The following ELMO1 variants were observed in gnomAD, a reference collection of about 807,000 sequenced individuals.
ELMO1 encodes engulfment and cell motility protein 1.
In ELMO1, 26 loss-of-function variants were observed where a neutral mutation model predicts 98.9. That is an observed-to-expected ratio of 0.26 (90% CI 0.19 to 0.36). The LOEUF (loss-of-function observed/expected upper bound fraction) is 0.36, where lower values mean the gene tolerates loss of function less well. Among genes scored for constraint, ELMO1 ranks in the 10% least tolerant of loss-of-function variants. ELMO1 has a pLI of 1.00. For synonymous variants in ELMO1, 346 were observed against 346.0 expected (o/e 1.00, Z 0.00); for missense variants, 627 against 935.2 (o/e 0.67, Z 4.30).
chr7:37,124,905 C>T (rs1306853374), intron 14 of ELMO1, among the ~76,000 whole-genome samples: 1 of 152,156 alleles, frequency 6.6e-6, no homozygotes, highest in Admixed American at 6.5e-5. Context: ...GCTACAGTAA[C>T]CAAAACAGCA....
chr7:37,440,278 C>T (rs777817004), intron 1 of ELMO1, among the ~76,000 whole-genome samples: 2 of 151,918 alleles, frequency 1.3e-5, no homozygotes, highest in Non-Finnish European at 1.5e-5. Context: ...CTTGTCTCCA[C>T]TACAAATACA....
At chr7:37,176,740 T>C (rs1363304211) in intron 13 of ELMO1, among the ~76,000 whole-genome samples, 1 of 152,200 alleles carries the variant, frequency 6.6e-6, no homozygotes, top group Non-Finnish European at 1.5e-5. Context: ...AACTAACGGA[T>C]GCACTGTCAT....
At chr7:36,914,734 G>A (rs957839570) in intron 16 of ELMO1, among the ~76,000 whole-genome samples, 33 of 151,974 alleles carry the variant, frequency 2.2e-4, no homozygotes, top group African/African-American at 7.5e-4. Flanking sequence ...GGATGGTCTC[G>A]ATCTTTTGAC....
intron 13 of ELMO1, among the ~76,000 whole-genome samples, chr7:37,144,719 A>G (rs926538829): frequency 3.3e-5 from 5 of 152,114 alleles, no homozygotes; most frequent in African/African-American, 1.2e-4. Context: ...CCAAAACACC[A>G]GAGTTTTTTC....
intron 1 of ELMO1, among the ~76,000 whole-genome samples, chr7:37,365,722 C>A (rs1341868973): frequency 6.6e-6 from 1 of 152,196 alleles, no homozygotes; most frequent in Non-Finnish European, 1.5e-5. Context: ...AGTCTTCTTT[C>A]CTGAATAGTA....
rs1802551141 is a variant in ELMO1, at chr7:37,380,855, TCATATTTCCTC to T, written c.-73-38103_-73-38093del. Among the ~76,000 whole-genome samples the T allele has an allele frequency of 1.3e-5, 2 of 152,190 alleles. 1 individual carries two copies. Among genetic ancestry groups the T allele is most frequent in the East Asian group, 3.8e-4 (2 of 5,202 alleles). On this transcript the variant is annotated intron_variant, in intron 1 of 21. Transcript: ENST00000310758. ...TGCCTGAACGAAGCTCATCTAACACTCATATTTCCTCCATAAGGCACATACAGCCTTCTTGT... is the reference window on the plus strand; with the variant it reads ...TGCCTGAACGAAGCTCATCTAACACTCATAAGGCACATACAGCCTTCTTGT...
intron 13 of ELMO1, among the ~76,000 whole-genome samples, chr7:37,172,148 T>C (rs928312658): frequency 6.6e-6 from 1 of 152,156 alleles, no homozygotes. Flanking sequence ...GTGAGTACAC[T>C]CTCTGGAGGA....
chr7:37,179,242 A>C (rs1204660950), intron 13 of ELMO1, among the ~76,000 whole-genome samples: 1 of 151,892 alleles, frequency 6.6e-6, no homozygotes, highest in Non-Finnish European at 1.5e-5. Context: ...GTGGCTTAAA[A>C]GTAATCCAAA....
intron 12 of ELMO1, 28 bp downstream of exon 12, chr7:37,213,307 C>T: frequency 2.5e-6 from 4 of 1,607,542 alleles, no homozygotes; most frequent in Non-Finnish European, 3.4e-6. Context: ...CCTTCCTGTG[C>T]TTTGACTGCT....
chr7:37,346,814 G>A (rs1029404132), intron 1 of ELMO1, among the ~76,000 whole-genome samples: 3 of 152,110 alleles, frequency 2.0e-5, no homozygotes, highest in African/African-American at 7.2e-5. Context: ...CAGCAAAAAA[G>A]GTCATCTAAC....
At chr7:37,392,021 G>A (rs1309373516) in intron 1 of ELMO1, among the ~76,000 whole-genome samples, 1 of 152,188 alleles carries the variant, frequency 6.6e-6, no homozygotes, top group African/African-American at 2.4e-5. Context: ...TGAGTTTCCA[G>A]CAGGGAGACA....
intron 17 of ELMO1, among the ~76,000 whole-genome samples, chr7:36,889,915 A>C (rs1805405869): frequency 6.6e-6 from 1 of 152,202 alleles, no homozygotes; most frequent in African/African-American, 2.4e-5. Flanking sequence ...TACCCGGCTC[A>C]TGGCAGGTGC....
rs192110106 is a variant in ELMO1 at position 37,203,287 on chromosome 7, T to C, written c.1086+8099A>G. 4.9e-4 allele frequency among the ~76,000 whole-genome samples: 75 copies of C among 152,286 alleles called. 1 individual carries two copies. Among genetic ancestry groups the C allele is most frequent in the Admixed American group, 4.1e-3 (62 of 15,294 alleles). ...AGTCTTAAGCATTCTCCCGTTAGTA[T>C]TGGGACCTTACCCATGTCCTATAAA... On this transcript the variant is annotated intron_variant, in intron 13 of 21. Coordinates refer to ENST00000310758, the MANE Select transcript of ELMO1 (RefSeq NM_014800.11).
At chr7:37,433,033 C>G (rs748414156) in intron 1 of ELMO1, among the ~76,000 whole-genome samples, 2 of 152,178 alleles carry the variant, frequency 1.3e-5, no homozygotes, top group African/African-American at 2.4e-5. Flanking sequence ...GTAACTGTTG[C>G]CTCCTAGGGT....
intron 1 of ELMO1, among the ~76,000 whole-genome samples, chr7:37,389,825 G>A (rs1802989497): frequency 6.6e-6 from 1 of 152,174 alleles, no homozygotes; most frequent in Non-Finnish European, 1.5e-5. Flanking sequence ...CATCCCCCGA[G>A]ATTCTTACTA....
intron 6 of ELMO1, among the ~76,000 whole-genome samples, chr7:37,252,822 A>G (rs1795428150): frequency 1.3e-5 from 2 of 152,234 alleles, no homozygotes; most frequent in African/African-American, 4.8e-5. Context: ...AAATTTTGCA[A>G]TATAGCCATC....
rs1801968135 is a variant in ELMO1, at chr7:36,853,171, A to C, written c.*2380T>G. Reference sequence around the variant, plus strand: ...CCCCACATGGTCACAAAATGAATGGAAACAGATGGCATACTCTTCAGATCT... The same window carrying C: ...CCCCACATGGTCACAAAATGAATGGCAACAGATGGCATACTCTTCAGATCT... On this transcript the variant is annotated 3_prime_UTR_variant, in exon 22 of 22. Transcript: ENST00000310758. Among the ~76,000 whole-genome samples the C allele has an allele frequency of 1.3e-5, 2 of 152,338 alleles. No individual in the cohort carries two copies. Among genetic ancestry groups the C allele is most frequent in the Admixed American group, 6.5e-5 (1 of 15,310 alleles).
chr7:36,930,648 C>T (rs1233486467), intron 16 of ELMO1, among the ~76,000 whole-genome samples: 1 of 152,172 alleles, frequency 6.6e-6, no homozygotes, highest in Non-Finnish European at 1.5e-5. Flanking sequence ...ACAGAACATG[C>T]TCAGGCACAT....
chr7:37,204,028 A>G (rs1792457864), intron 13 of ELMO1: 1 of 448,482 alleles, frequency 2.2e-6, no homozygotes, highest in Non-Finnish European at 4.5e-6. Flanking sequence ...TAACTGGCCA[A>G]CAGGTGCCCA....
Sources: gnomAD v4.1 joint callset for allele counts (sites outside exome capture counted in the v4.1 genomes callset) on GRCh38, gnomAD v4.1.1 for gene constraint, MANE v1.5 for transcripts, NCBI Gene and HGNC (gene_info 2026-07-23, HGNC 2026-07-21) for gene names.